SLC18A1: variants seen among roughly 807,000 people sequenced by gnomAD.
SLC18A1 encodes the protein solute carrier family 18 member A1, also known as chromaffin granule amine transporter.
In SLC18A1, 69 loss-of-function variants were observed where a neutral mutation model predicts 53.7. The observed-to-expected ratio is 1.28, with a 90% CI of 1.06 to 1.57. SLC18A1 has a LOEUF of 1.57. Ranked by LOEUF, SLC18A1 falls within the 40% of genes most tolerant of loss-of-function variation. The pLI is 0.00. For synonymous variants in SLC18A1, 320 were observed against 248.1 expected (o/e 1.29, Z -2.72); for missense variants, 932 against 668.1 (o/e 1.40, Z -4.35).
intron 10 of SLC18A1, among the ~76,000 whole-genome samples, chr8:20,164,154 C>A (rs193123904): frequency 6.6e-5 from 10 of 152,238 alleles, no homozygotes; most frequent in Admixed American, 3.3e-4. Context: ...GCCCCGTAAG[C>A]CTCTCCTCCC....
At chr8:20,173,527 G>A (rs1431130756) in intron 5 of SLC18A1, among the ~76,000 whole-genome samples, 7 of 152,214 alleles carry the variant, frequency 4.6e-5, no homozygotes, top group African/African-American at 1.4e-4. Context: ...GGAAGAGCAG[G>A]AAAGCACTGC....
In SLC18A1 at chr8:20,183,048, A is replaced by T. The variant is rs2072468682; in HGVS notation, c.-124+15T>A. On this transcript the variant is annotated intron_variant, in intron 1 of 15. Coordinates refer to ENST00000276373, the MANE Select transcript of SLC18A1 (RefSeq NM_003053.4). ...AAGGAAAGATTAAATTTGTCCGGAG[A>T]GAGAAAAATCTTACCTTGGAGCCCA... 1.3e-5 allele frequency: 2 copies of T among 152,210 alleles called. No homozygotes were observed. Among genetic ancestry groups the T allele is most frequent in the Admixed American group, 1.3e-4 (2 of 15,282 alleles). The allele number at this position is 152,210 out of a possible 1,614,324, so 9.4% of individuals were successfully genotyped here. A position where few individuals can be genotyped will look rare whatever the true frequency, so the allele number is the denominator to read the frequency against.
chr8:20,178,854 A>T (rs1232004743), intron 3 of SLC18A1, among the ~76,000 whole-genome samples: 2 of 152,194 alleles, frequency 1.3e-5, no homozygotes, highest in African/African-American at 4.8e-5. Flanking sequence ...GCCATGCTCC[A>T]GGTCACTGAT....
chr8:20,172,609 G>C (rs2072151381), intron 6 of SLC18A1, among the ~76,000 whole-genome samples: 1 of 152,202 alleles, frequency 6.6e-6, no homozygotes, highest in Non-Finnish European at 1.5e-5. Flanking sequence ...TTTCCTAGCT[G>C]TGTGATGTTG....
intron 1 of SLC18A1, among the ~76,000 whole-genome samples, 184 bp from the exon 2 acceptor site, chr8:20,181,271 C>T (rs987079781): frequency 1.3e-5 from 2 of 152,096 alleles, no homozygotes; most frequent in Admixed American, 6.5e-5. Flanking sequence ...CATTAATTTC[C>T]CTTGAATTTA....
intron 10 of SLC18A1, among the ~76,000 whole-genome samples, chr8:20,152,351 T>C (rs888209301): frequency 5.3e-5 from 8 of 152,092 alleles, no homozygotes; most frequent in African/African-American, 1.7e-4. Context: ...GAAGAATGGG[T>C]TCATGGGACA....
intron 4 of SLC18A1, among the ~76,000 whole-genome samples, chr8:20,177,062 A>G (rs750901873): frequency 6.6e-6 from 1 of 152,224 alleles, no homozygotes. Flanking sequence ...GTTGTTTGGA[A>G]TAAATCTTAA....
chr8:20,154,393 A>C (rs1261174554), intron 10 of SLC18A1, among the ~76,000 whole-genome samples: 2 of 152,186 alleles, frequency 1.3e-5, no homozygotes, highest in East Asian at 3.9e-4. Context: ...TGACAGCTTT[A>C]ATGAATGAGG....
chr8:20,174,362 T>A lies in SLC18A1; in HGVS notation c.630A>T (p.Ala210=), dbSNP rs1236388762. 3 of 1,609,882 alleles carry A rather than the reference T, an allele frequency of 1.9e-6. No individual in the cohort carries two copies. Among genetic ancestry groups the A allele is most frequent in the Non-Finnish European group, 2.6e-6 (3 of 1,176,196 alleles). The change falls in exon 5 of 16, where the codon GCA becomes GCT. Residue 210 remains alanine (A), a splice_region_variant and synonymous_variant. Coordinates refer to ENST00000276373, the MANE Select transcript of SLC18A1 (RefSeq NM_003053.4). The part of the protein sequence containing the change: ...QGIGSSFSSV[A]GLGMLASVYT... ...TGCATGATGAGTTGCCAGTGTTACC[T>A]GCAACAGATGAAAATGAAGATCCAA...
chr8:20,179,870 A>G (rs970467347), intron 2 of SLC18A1, among the ~76,000 whole-genome samples: 1 of 152,178 alleles, frequency 6.6e-6, no homozygotes, highest in African/African-American at 2.4e-5. Context: ...AGCTACCACG[A>G]CATTTCACAG....
At chr8:20,178,995 T>G in intron 3 of SLC18A1, 126 bp downstream of exon 3, 3 of 1,160,728 alleles carry the variant, frequency 2.6e-6, no homozygotes, top group Non-Finnish European at 3.6e-6. Context: ...GCTTTCCGAA[T>G]AGCTGACTCC....
At chr8:20,150,519 C>G (rs1041448536) in intron 11 of SLC18A1, 147 bp downstream of exon 11, 1 of 734,208 alleles carries the variant, frequency 1.4e-6, no homozygotes, top group Non-Finnish European at 2.5e-6. Context: ...TCACTCACTG[C>G]CCATCCTCCC....
chr8:20,164,335 C>A (rs1029233952), intron 10 of SLC18A1, among the ~76,000 whole-genome samples: 1 of 152,030 alleles, frequency 6.6e-6, no homozygotes, highest in Non-Finnish European at 1.5e-5. Context: ...GCTACATACA[C>A]CCCTTTTTAG....
At chr8:20,155,044 T>G (rs13272341) in intron 10 of SLC18A1, among the ~76,000 whole-genome samples, 3 of 152,046 alleles carry the variant, frequency 2.0e-5, no homozygotes, top group African/African-American at 7.3e-5. Context: ...CACGGTTCTC[T>G]TCTGTGACCC....
intron 8 of SLC18A1, among the ~76,000 whole-genome samples, chr8:20,170,627 C>G (rs75898734): frequency 0.032 from 4,885 of 151,982 alleles, 132 homozygotes; most frequent in East Asian, 0.09. Context: ...GGGATATTCA[C>G]ACAGGATGTC....
chr8:20,165,696 T>C (rs781503253), intron 8 of SLC18A1, among the ~76,000 whole-genome samples: 8 of 152,184 alleles, frequency 5.3e-5, no homozygotes, highest in Non-Finnish European at 1.2e-4. Context: ...CCCCACCCTC[T>C]TTCCAAGCAT....
At chr8:20,172,764 T>C (rs763903814) in intron 6 of SLC18A1, among the ~76,000 whole-genome samples, 3 of 152,192 alleles carry the variant, frequency 2.0e-5, no homozygotes, top group Non-Finnish European at 4.4e-5. Flanking sequence ...TGGTGCTGTG[T>C]GCATGGGAAC....
chr8:20,171,418 T>C lies in SLC18A1; in HGVS notation c.801A>G (p.Ala267=). 1 of 1,614,022 alleles carries C rather than the reference T, an allele frequency of 6.2e-7. No homozygotes were observed. The highest frequency in any genetic ancestry group is 8.5e-7 in the Non-Finnish European group (1 of 1,179,900). ...SAPFLILAFL[A]LLDGALQLCI... ...ATGGTGACTTACCTCCATCCAGTAG[T>C]GCCAGGAAGGCCAGGATGAGGAAGG... Residue 267 remains alanine (A), a synonymous_variant, in exon 7 of 16, where the codon GCA becomes GCG. Transcript: ENST00000276373.
At position 20,171,091 on chromosome 8, in the gene SLC18A1, G is replaced by C; in HGVS notation, c.858+12C>G. The C allele has an allele frequency of 6.2e-7, 1 of 1,613,816 alleles. No individual in the cohort carries two copies. Among genetic ancestry groups the C allele is most frequent in the Non-Finnish European group, 8.5e-7 (1 of 1,179,710 alleles). Reference sequence around the variant, plus strand: ...GTATAACTGTTAGAAATGGAGCTTTGTGTCTGCTTACCTCAGGAGAGACTT... The same window carrying C: ...GTATAACTGTTAGAAATGGAGCTTTCTGTCTGCTTACCTCAGGAGAGACTT... On this transcript the variant is annotated intron_variant, in intron 8 of 15. Coordinates refer to ENST00000276373, the MANE Select transcript of SLC18A1 (RefSeq NM_003053.4).
Sources: gnomAD v4.1 joint callset for allele counts (sites outside exome capture counted in the v4.1 genomes callset) on GRCh38, gnomAD v4.1.1 for gene constraint, MANE v1.5 for transcripts, NCBI Gene and HGNC (gene_info 2026-07-23, HGNC 2026-07-21) for gene names.